The following CCDC32 variants were observed in gnomAD, a reference collection of about 807,000 sequenced individuals.
The protein encoded by CCDC32 is coiled-coil domain-containing protein 32.
Under a neutral mutation model 20.1 loss-of-function variants are expected in CCDC32, and 9 were observed. The observed-to-expected ratio is 0.45, with a 90% confidence interval of 0.27 to 0.78. CCDC32 has a LOEUF of 0.78. CCDC32 is among the 30% of genes least tolerant of loss of function. CCDC32 has a pLI of 0.16. For synonymous variants in CCDC32, 63 were observed against 79.0 expected (o/e 0.80, Z 1.07); for missense variants, 204 against 215.5 (o/e 0.95, Z 0.33).
Position 40,562,970 on chromosome 15 carries a change from G to C in CCDC32, c.46C>G (p.Gln16Glu), listed in dbSNP as rs751419929. 1.1e-5 allele frequency: 18 copies of C among 1,614,174 alleles called. No homozygotes were observed. The highest frequency in any genetic ancestry group is 1.5e-5 in the Non-Finnish European group (18 of 1,180,026). The change falls in exon 2 of 4, where the codon CAG (glutamine) becomes GAG (glutamate). Residue 16 changes from glutamine to glutamate, a missense_variant. Gln to Glu is a conservative substitution (Grantham distance 29). Coordinates refer to ENST00000416810, the MANE Select transcript of CCDC32 (RefSeq NM_001080792.4). Reference protein sequence around the residue: ...SADSTATRSGQDLWAEICSCL... With the variant: ...SADSTATRSGEDLWAEICSCL... ...GAACAAATTTCAGCCCAGAGATCCTGGCCAGATCTTGTGGCTGTAGAGTCA... is the reference window on the plus strand; with the variant it reads ...GAACAAATTTCAGCCCAGAGATCCTCGCCAGATCTTGTGGCTGTAGAGTCA...
chr15:40,523,820 C>T (rs530510094), downstream of CCDC32, among the ~76,000 whole-genome samples: 1 of 152,296 alleles, frequency 6.6e-6, no homozygotes, highest in African/African-American at 2.4e-5. Flanking sequence ...ACACATGGAA[C>T]AATTAGAACT....
chr15:40,531,111 A>G (rs918166442), downstream of CCDC32, among the ~76,000 whole-genome samples: 1 of 151,418 alleles, frequency 6.6e-6, no homozygotes, highest in African/African-American at 2.4e-5. Context: ...TATAAGTGGG[A>G]GCTAAATGTG....
chr15:40,546,728 G>A (rs1001175851), intron 3 of CCDC32, among the ~76,000 whole-genome samples: 2 of 145,044 alleles, frequency 1.4e-5, no homozygotes, highest in Non-Finnish European at 3.0e-5. Context: ...TTTTGAGACA[G>A]TCTTGCTCTG....
At chr15:40,550,245 T>C (rs1889796406), downstream of CCDC32, among the ~76,000 whole-genome samples, 3 of 152,150 alleles carry the variant, frequency 2.0e-5, no homozygotes, top group Admixed American at 2.0e-4. Flanking sequence ...GCACTAAATA[T>C]TGCTCCATTT....
intron 1 of CCDC32, chr15:40,564,709 C>T: frequency 6.2e-7 from 1 of 1,613,324 alleles, no homozygotes. Context: ...TCTAGCGCTA[C>T]AGTGAACCCC....
At chr15:40,540,783 G>C (rs575868670) in intron 3 of CCDC32, among the ~76,000 whole-genome samples, 1 of 152,278 alleles carries the variant, frequency 6.6e-6, no homozygotes, top group South Asian at 2.1e-4. Flanking sequence ...TAGAGTCAGT[G>C]CCCCTAATGT....
At chr15:40,521,516 C>T in the CCDC32 span, among the ~76,000 whole-genome samples, 2 of 152,106 alleles carry the variant, frequency 1.3e-5, no homozygotes, top group Non-Finnish European at 2.9e-5. Flanking sequence ...TTCATATACA[C>T]GTTTTTGTGT....
In CCDC32 at chr15:40,553,852, C is replaced by T. The variant is rs1890033622; in HGVS notation, c.*119G>A. 2 of 1,401,856 alleles carry T rather than the reference C, an allele frequency of 1.4e-6. No individual in the cohort carries two copies. The highest frequency in any genetic ancestry group is 1.4e-5 in the African/African-American group (1 of 69,516). The allele number at this position is 1,401,856 out of a possible 1,614,324, so 86.8% of individuals were successfully genotyped here. Reference sequence around the variant, plus strand: ...TTTTCCTTCAGTGGATTTCTCCCTGCTGCTGTCACTGAGCTCCACGCTGCT... The same window carrying T: ...TTTTCCTTCAGTGGATTTCTCCCTGTTGCTGTCACTGAGCTCCACGCTGCT... On this transcript the variant is annotated 3_prime_UTR_variant, in exon 4 of 4. Coordinates refer to ENST00000416810, the MANE Select transcript of CCDC32 (RefSeq NM_001080792.4).
At chr15:40,522,983 C>T in the CCDC32 span, among the ~76,000 whole-genome samples, 5 of 151,858 alleles carry the variant, frequency 3.3e-5, no homozygotes, top group East Asian at 1.9e-4. Context: ...TATGCCACCA[C>T]GCCTGGCTAA....
chr15:40,528,679 T>C, downstream of CCDC32: 2 of 674,838 alleles, frequency 3.0e-6, no homozygotes, highest in Non-Finnish European at 2.7e-6. Context: ...CGGAGGTGGG[T>C]TGGAGTTGAT....
intron 3 of CCDC32, among the ~76,000 whole-genome samples, chr15:40,547,273 C>T (rs1889661553): frequency 6.6e-6 from 1 of 152,134 alleles, no homozygotes. Context: ...CTGTCCCACA[C>T]TCAGCTTTTC....
At chr15:40,539,418 A>G (rs1185278006) in intron 3 of CCDC32, 3 of 1,376,572 alleles carry the variant, frequency 2.2e-6, no homozygotes, top group African/African-American at 1.4e-5. Context: ...AGAGGCACAC[A>G]CTAACAGAGT....
At chr15:40,535,276 G>T (rs908568890), downstream of CCDC32, 2 of 1,343,390 alleles carry the variant, frequency 1.5e-6, no homozygotes, top group African/African-American at 3.0e-5. Flanking sequence ...AAATGAAACA[G>T]CCCAAACTGT....
At chr15:40,531,740 A>T (rs1288815224), downstream of CCDC32, 1 of 152,150 alleles carries the variant, frequency 6.6e-6, no homozygotes, top group Non-Finnish European at 1.5e-5. Context: ...TCAGCCTTCC[A>T]AGTAGCTGGC....
intron 3 of CCDC32, among the ~76,000 whole-genome samples, chr15:40,545,019 A>C (rs993970720): frequency 6.6e-6 from 1 of 152,224 alleles, no homozygotes; most frequent in African/African-American, 2.4e-5. Context: ...ATTGATAAAG[A>C]TGTTGAGCTG....
chr15:40,547,648 A>C (rs1889675005), intron 3 of CCDC32, among the ~76,000 whole-genome samples: 3 of 152,184 alleles, frequency 2.0e-5, no homozygotes, highest in Admixed American at 6.5e-5. Flanking sequence ...TTGACACCTC[A>C]CCAGAAGCAG....
Position 40,562,792 on chromosome 15 carries a change from T to C in CCDC32, c.224A>G (p.Glu75Gly). Reference sequence around the variant, plus strand: ...CTTACCTAGAGATGCTAAATACACTTCTGAATCCTGCAAGGGAGCCCAAGG... The same window carrying C: ...CTTACCTAGAGATGCTAAATACACTCCTGAATCCTGCAAGGGAGCCCAAGG... ...VKPWAPLQDS[E>G]VYLASLEKKL... Residue 75 changes from glutamate (E) to glycine (G), a missense_variant, in exon 2 of 4, where the codon GAA becomes GGA. By Grantham distance (98) the Glu-to-Gly change is moderately conservative (BLOSUM62 -2). Coordinates refer to ENST00000416810, the MANE Select transcript of CCDC32 (RefSeq NM_001080792.4). 1 of 1,614,076 alleles carries C rather than the reference T, an allele frequency of 6.2e-7. No individual in the cohort carries two copies. The highest frequency in any genetic ancestry group is 8.5e-7 in the Non-Finnish European group (1 of 1,180,000).
chr15:40,553,030 C>G (rs1009989617), downstream of CCDC32: 6 of 839,148 alleles, frequency 7.2e-6, no homozygotes, highest in Admixed American at 2.5e-4. Context: ...ATGCATTTGT[C>G]TTTACCTCCT....
chr15:40,535,775 C>T, downstream of CCDC32: 3 of 462,206 alleles, frequency 6.5e-6, no homozygotes, highest in Non-Finnish European at 8.5e-6. Context: ...TCACACGTTC[C>T]ACCATATGCT....
Sources: allele counts gnomAD v4.1 joint callset (sites outside exome capture counted in the v4.1 genomes callset), GRCh38; gene constraint gnomAD v4.1.1; transcripts MANE v1.5; gene names NCBI Gene and HGNC (gene_info 2026-07-23, HGNC 2026-07-21).